The following NIBAN2 variants were observed in gnomAD, a reference collection of about 807,000 sequenced individuals.
NIBAN2 encodes the protein niban apoptosis regulator 2.
In NIBAN2, 36 loss-of-function variants were observed where a neutral mutation model predicts 81.8. The ratio of observed to expected loss-of-function variants is 0.44; its 90% confidence interval spans 0.34 to 0.58. NIBAN2 has a LOEUF of 0.58. Ranked by LOEUF, NIBAN2 falls within the 20% of genes least tolerant of loss-of-function variation. NIBAN2 has a pLI of 0.02. For missense variants in NIBAN2, 897 were observed against 1,014.1 expected, an observed-to-expected ratio of 0.88 and a Z score of 1.57; for synonymous variants, 445 against 441.6, an observed-to-expected ratio of 1.01 and a Z score of -0.10.
At position 127,508,493 on chromosome 9, in the gene NIBAN2, C is replaced by T. The variant is rs1394577849; in HGVS notation, c.1363G>A (p.Glu455Lys). ...TCCTTGGTGGGCCCCTTCCCCAGCTCCTGGTGCAGGAGGGTCTCGAACGTA... is the reference window on the plus strand; with the variant it reads ...TCCTTGGTGGGCCCCTTCCCCAGCTTCTGGTGCAGGAGGGTCTCGAACGTA... Reference protein sequence around the residue: ...VYTFETLLHQELGKGPTKEEL... With the variant: ...VYTFETLLHQKLGKGPTKEEL... Residue 455 changes from glutamate (E) to lysine (K), a missense_variant, in exon 11 of 14, where the codon GAG (glutamate) becomes AAG (lysine). Physicochemically the swap from Glu to Lys is moderately conservative, Grantham distance 56. This residue lies in a region of NIBAN2 where 619 missense variants were observed against 691.0 expected (regional missense o/e 0.90). Transcript: ENST00000373312. The surrounding 1 kb of genome is among the most constrained non-coding windows in gnomAD (Gnocchi z 6.4). 1.2e-6 allele frequency: 2 copies of T among 1,613,804 alleles called. No homozygotes were observed. Among genetic ancestry groups the T allele is most frequent in the Non-Finnish European group, 1.7e-6 (2 of 1,179,994 alleles).
chr9:127,525,932 C>T (rs1292119602), intron 3 of NIBAN2, among the ~76,000 whole-genome samples: 6 of 152,150 alleles, frequency 3.9e-5, no homozygotes, highest in Non-Finnish European at 7.4e-5. Flanking sequence ...ACACCAGTAG[C>T]AGGGGGCAAA....
intron 3 of NIBAN2, 132 bp from the exon 4 acceptor site, chr9:127,525,295 G>T (rs1019121629): frequency 4.7e-6 from 3 of 631,660 alleles, no homozygotes; most frequent in East Asian, 2.7e-5. Flanking sequence ...GGCAAGAGAG[G>T]AACAGAGGGG....
chr9:127,545,094 GC>G lies in NIBAN2; in HGVS notation c.56-13317del, dbSNP rs1340055583. ...CGAACCCAAGCGAACCGCAACCTCAGCCCCTCAGCTTCCTCCTCAGCGGAGG... is the reference window on the plus strand; with the variant it reads ...CGAACCCAAGCGAACCGCAACCTCAGCCCTCAGCTTCCTCCTCAGCGGAGG... On this transcript the variant is annotated intron_variant, in intron 1 of 13. Coordinates refer to ENST00000373312, the MANE Select transcript of NIBAN2 (RefSeq NM_022833.4). This position sits in a 1 kb window ranked among gnomAD's most constrained non-coding sequence, Gnocchi z 4.7. 1.3e-5 allele frequency among the ~76,000 whole-genome samples: 2 copies of G among 152,170 alleles called. No individual in the cohort carries two copies. The highest frequency in any genetic ancestry group is 2.9e-5 in the Non-Finnish European group (2 of 68,036).
chr9:127,563,079 G>A lies in NIBAN2; in HGVS notation c.55+5741C>T, dbSNP rs1837800122. ...TCCGCTTCACTCCTTGGACAGCAGG[G>A]AGGGCAGCCATGGCCCCGCGTGGGT... On this transcript the variant is annotated intron_variant, in intron 1 of 13. Coordinates refer to ENST00000373312, the MANE Select transcript of NIBAN2 (RefSeq NM_022833.4). This position sits in a 1 kb window ranked among gnomAD's most constrained non-coding sequence, Gnocchi z 4.1. Among the ~76,000 whole-genome samples, 3 of 152,192 alleles carry A rather than the reference G, an allele frequency of 2.0e-5. No individual in the cohort carries two copies. The South Asian group carries it at 6.2e-4, about 32-fold the overall frequency.
At chr9:127,576,699 G>C (rs557505064) in intron 1 of NIBAN2, among the ~76,000 whole-genome samples, 1 of 151,750 alleles carries the variant, frequency 6.6e-6, no homozygotes, top group African/African-American at 2.4e-5. Context: ...GATCGCTTGA[G>C]CCCAGGAGTT....
Position 127,508,913 on chromosome 9 carries a change from G to A in NIBAN2, c.1317+63C>T. 2 of 1,573,532 alleles carry A rather than the reference G, an allele frequency of 1.3e-6. No individual in the cohort carries two copies. Among genetic ancestry groups the A allele is most frequent in the Non-Finnish European group, 1.7e-6 (2 of 1,146,012 alleles). On this transcript the variant is annotated intron_variant, in intron 10 of 13. Transcript: ENST00000373312. This position sits in a 1 kb window ranked among gnomAD's most constrained non-coding sequence, Gnocchi z 6.4. ...GGACGGAGCAGAAGGGACCCCCTGGGCGAGGGGGCCTGTGGAAGGCAGTGG... is the reference window on the plus strand; with the variant it reads ...GGACGGAGCAGAAGGGACCCCCTGGACGAGGGGGCCTGTGGAAGGCAGTGG...
chr9:127,516,757 T>A, intron 8 of NIBAN2, 100 bp downstream of exon 8: 1 of 1,240,252 alleles, frequency 8.1e-7, no homozygotes, highest in Non-Finnish European at 1.1e-6. Flanking sequence ...AAATGATCAA[T>A]GAGCAAGTCA....
At chr9:127,534,832 G>A (rs1157288139) in intron 1 of NIBAN2, among the ~76,000 whole-genome samples, 1 of 152,146 alleles carries the variant, frequency 6.6e-6, no homozygotes, top group Non-Finnish European at 1.5e-5. Flanking sequence ...GCAGAGAGGG[G>A]GCAAATGGAA....
At chr9:127,527,379 AT>A in intron 2 of NIBAN2, 57 bp from the exon 3 acceptor site, 3 of 1,521,732 alleles carry the variant, frequency 2.0e-6, no homozygotes, top group Non-Finnish European at 2.7e-6. Flanking sequence ...GGTGCTCCCC[AT>A]GAAGCTGATG....
intron 1 of NIBAN2, among the ~76,000 whole-genome samples, chr9:127,577,185 G>C (rs1004063808): frequency 5.9e-5 from 9 of 152,044 alleles, no homozygotes; most frequent in African/African-American, 2.2e-4. Flanking sequence ...GTGCACGTCT[G>C]TAATCCCAGC....
chr9:127,523,239 AT>A lies in NIBAN2; in HGVS notation c.589+439del, dbSNP rs2132174573. 1.2e-4 allele frequency among the ~76,000 whole-genome samples: 11 copies of A among 88,798 alleles called. 1 individual carries two copies. The highest frequency in any genetic ancestry group is 1.7e-4 in the Non-Finnish European group (8 of 46,148). The allele number at this position is 88,798 out of a possible 152,430, so 58.3% of individuals were successfully genotyped here. On this transcript the variant is annotated intron_variant, in intron 5 of 13. Transcript: ENST00000373312. Reference sequence around the variant, plus strand: ...TATATATATATATATATATATATATATATATATATATATAAAATTAAAAAAA... The same window carrying A: ...TATATATATATATATATATATATATAATATATATATATAAAATTAAAAAAA...
intron 1 of NIBAN2, among the ~76,000 whole-genome samples, chr9:127,566,363 G>A (rs1837859169): frequency 6.6e-6 from 1 of 152,154 alleles, no homozygotes; most frequent in African/African-American, 2.4e-5. Flanking sequence ...TCCCAGGCCA[G>A]GGATTCTTCC....
chr9:127,523,444 C>A (rs1425355696), intron 5 of NIBAN2, among the ~76,000 whole-genome samples: 1 of 151,314 alleles, frequency 6.6e-6, no homozygotes, highest in Non-Finnish European at 1.5e-5. Flanking sequence ...GGCTCAACAA[C>A]CACACCCCTC....
At chr9:127,571,817 A>G (rs1033607010), upstream of NIBAN2, among the ~76,000 whole-genome samples, 1 of 152,306 alleles carries the variant, frequency 6.6e-6, no homozygotes, top group South Asian at 2.1e-4. Flanking sequence ...TTCAAGATTC[A>G]TTCATTTCAC....
chr9:127,525,239 T>A, intron 3 of NIBAN2, 76 bp from the exon 4 acceptor site: 1 of 1,093,090 alleles, frequency 9.1e-7, no homozygotes, highest in Non-Finnish European at 1.4e-6. Context: ...TTCAAGGCCC[T>A]ACTCAGTGTG....
intron 1 of NIBAN2, among the ~76,000 whole-genome samples, chr9:127,577,743 T>G (rs113551572): frequency 2.0e-5 from 3 of 152,010 alleles, no homozygotes; most frequent in African/African-American, 4.8e-5. Context: ...GGATAAGACC[T>G]CTTGCTCTGT....
At position 127,520,534 on chromosome 9, in the gene NIBAN2, G is replaced by A. The variant is rs549380207; in HGVS notation, c.590-2593C>T. Among the ~76,000 whole-genome samples the A allele has an allele frequency of 1.7e-4, 26 of 151,978 alleles. No individual in the cohort carries two copies. In the East Asian group the frequency reaches 2.7e-3, roughly 16 times the overall value. On this transcript the variant is annotated intron_variant, in intron 5 of 13. Coordinates refer to ENST00000373312, the MANE Select transcript of NIBAN2 (RefSeq NM_022833.4). ...ATTACAGGCCTGAGCCACCGCACCC[G>A]CCCTTGGTCCTAGAGTCTTAAAGAA...
In NIBAN2 at chr9:127,523,769, C is replaced by T. The variant is rs1837007220; in HGVS notation, c.499G>A (p.Ala167Thr). ...ATCATGCAGAAGTAGTAGTGACGCG[C>T]ATAAGGATGCCAGAGGATGAGCGGG... ...QFPLILWHPY[A>T]RHYYFCMMTE... The change falls in exon 5 of 14, where the codon GCG becomes ACG. Residue 167 changes from alanine to threonine, a missense_variant. Coordinates refer to ENST00000373312, the MANE Select transcript of NIBAN2 (RefSeq NM_022833.4). 1 of 1,614,110 alleles carries T rather than the reference C, an allele frequency of 6.2e-7. No individual in the cohort carries two copies. The highest frequency in any genetic ancestry group is 8.5e-7 in the Non-Finnish European group (1 of 1,180,010).
At chr9:127,510,106 C>T (rs1359538001) in intron 9 of NIBAN2, 40 bp downstream of exon 9, 1 of 1,573,422 alleles carries the variant, frequency 6.4e-7, no homozygotes, top group South Asian at 1.2e-5. Flanking sequence ...ACCAGACCTA[C>T]TCTCAGGAGA....
Sources: gnomAD v4.1 joint callset for allele counts (sites outside exome capture counted in the v4.1 genomes callset) on GRCh38, gnomAD v4.1.1 for gene constraint, gnomAD v4.1.1 regional missense constraint, Gnocchi (gnomAD v3.1) non-coding constraint, MANE v1.5 for transcripts, NCBI Gene and HGNC (gene_info 2026-07-23, HGNC 2026-07-21) for gene names.